The following KCNT2 variants were observed in gnomAD, a reference collection of about 807,000 sequenced individuals.
KCNT2 encodes potassium sodium-activated channel subfamily T member 2.
In KCNT2, 67 loss-of-function variants were observed where a neutral mutation model predicts 153.8. That is an observed-to-expected ratio of 0.44 (90% CI 0.36 to 0.53). The LOEUF is 0.53. Among genes scored for constraint, KCNT2 ranks in the 20% least tolerant of loss-of-function variants. The pLI is 0.00. For missense variants in KCNT2, 975 were observed against 1,354.8 expected (o/e 0.72, Z 4.40); for synonymous variants, 500 against 458.8 (o/e 1.09, Z -1.15).
intron 22 of KCNT2, among the ~76,000 whole-genome samples, chr1:196,301,772 C>G (rs1032698912): frequency 2.0e-5 from 3 of 152,112 alleles, no homozygotes; most frequent in African/African-American, 4.8e-5. Context: ...CATAGTCTCT[C>G]TCTGTCGCCC....
At chr1:196,554,918 C>A (rs989620146) in intron 1 of KCNT2, among the ~76,000 whole-genome samples, 6 of 151,108 alleles carry the variant, frequency 4.0e-5, no homozygotes, top group Non-Finnish European at 8.9e-5. Flanking sequence ...ACTGAAGTAG[C>A]ACTGGATAAA....
intron 1 of KCNT2, among the ~76,000 whole-genome samples, chr1:196,508,197 A>G (rs1352651483): frequency 6.8e-6 from 1 of 147,318 alleles, no homozygotes; most frequent in Non-Finnish European, 1.5e-5. Flanking sequence ...AGCAAAAAAA[A>G]AAAAAAAAAA....
At chr1:196,606,098 G>T (rs913164151) in intron 1 of KCNT2, among the ~76,000 whole-genome samples, 1 of 152,186 alleles carries the variant, frequency 6.6e-6, no homozygotes, top group Non-Finnish European at 1.5e-5. Context: ...ATACCGCACA[G>T]TTAAAAGAAC....
chr1:196,410,050 T>C (rs1189379878), intron 12 of KCNT2, among the ~76,000 whole-genome samples: 2 of 151,718 alleles, frequency 1.3e-5, no homozygotes, highest in Admixed American at 1.3e-4. Flanking sequence ...TTAATGATGC[T>C]GATCATCTGT....
chr1:196,308,704 T>C (rs1393910297), intron 21 of KCNT2, among the ~76,000 whole-genome samples: 1 of 151,972 alleles, frequency 6.6e-6, no homozygotes, highest in African/African-American at 2.4e-5. Context: ...AACATTCTAG[T>C]AGGTGGCAGG....
At chr1:196,579,966 T>A (rs112072885) in intron 1 of KCNT2, among the ~76,000 whole-genome samples, 8,760 of 152,194 alleles carry the variant, frequency 0.058, 393 homozygotes, top group Non-Finnish European at 0.085. Flanking sequence ...GAAAAATGGC[T>A]TCCACATTCT....
At chr1:196,335,570 T>C (rs935332470) in intron 16 of KCNT2, among the ~76,000 whole-genome samples, 5 of 152,276 alleles carry the variant, frequency 3.3e-5, no homozygotes, top group African/African-American at 1.2e-4. Flanking sequence ...CCATTGTATA[T>C]GCTATCCATC....
chr1:196,365,825 A>T (rs1667991292), intron 14 of KCNT2, among the ~76,000 whole-genome samples: 1 of 152,194 alleles, frequency 6.6e-6, no homozygotes, highest in African/African-American at 2.4e-5. Context: ...TTTTGACACC[A>T]AATTAAAAGA....
intron 1 of KCNT2, among the ~76,000 whole-genome samples, chr1:196,542,738 G>T (rs1288464624): frequency 6.6e-6 from 1 of 152,038 alleles, no homozygotes; most frequent in Non-Finnish European, 1.5e-5. Flanking sequence ...TAGGGGTAAG[G>T]TGCCAAACTT....
At chr1:196,273,222 C>T (rs1031998735) in intron 25 of KCNT2, among the ~76,000 whole-genome samples, 2 of 151,738 alleles carry the variant, frequency 1.3e-5, no homozygotes, top group African/African-American at 4.8e-5. Flanking sequence ...TTAATTAGCA[C>T]ACAAATATCG....
chr1:196,458,760 T>G (rs1184477044), intron 8 of KCNT2, among the ~76,000 whole-genome samples: 2 of 151,938 alleles, frequency 1.3e-5, no homozygotes, highest in Non-Finnish European at 2.9e-5. Context: ...TAAATGTCAA[T>G]TTGTACAACA....
Position 196,285,639 on chromosome 1 carries a change from A to C in KCNT2, c.2697+18T>G. 1 of 1,475,204 alleles carries C rather than the reference A, an allele frequency of 6.8e-7. No individual in the cohort carries two copies. Among genetic ancestry groups the C allele is most frequent in the Non-Finnish European group, 9.4e-7 (1 of 1,064,610 alleles). The allele number at this position is 1,475,204 out of a possible 1,614,324, so 91.4% of individuals were successfully genotyped here. On this transcript the variant is annotated intron_variant, in intron 23 of 27. Transcript: ENST00000294725. ...GAAAACAACCATTTTAGAGAAAATAAAAAGAAATATTGTATACCTGATACA... is the reference window on the plus strand; with the variant it reads ...GAAAACAACCATTTTAGAGAAAATACAAAGAAATATTGTATACCTGATACA...
chr1:196,423,377 A>G (rs1673378356), intron 11 of KCNT2, among the ~76,000 whole-genome samples: 1 of 151,898 alleles, frequency 6.6e-6, no homozygotes, highest in South Asian at 2.1e-4. Flanking sequence ...ATTTCTTTGT[A>G]TGATTAAATA....
At chr1:196,579,118 G>A (rs1468729589) in intron 1 of KCNT2, among the ~76,000 whole-genome samples, 4 of 152,206 alleles carry the variant, frequency 2.6e-5, no homozygotes, top group African/African-American at 4.8e-5. Flanking sequence ...ACTGCACAAC[G>A]TATGGGTTTG....
intron 14 of KCNT2, among the ~76,000 whole-genome samples, chr1:196,356,693 T>C (rs1342990344): frequency 6.6e-6 from 1 of 151,924 alleles, no homozygotes; most frequent in Non-Finnish European, 1.5e-5. Context: ...GAGTTGCTTA[T>C]ATAATCATAT....
At chr1:196,477,255 A>C (rs1262712822) in intron 5 of KCNT2, among the ~76,000 whole-genome samples, 1 of 152,174 alleles carries the variant, frequency 6.6e-6, no homozygotes, top group African/African-American at 2.4e-5. Flanking sequence ...ACTAAATAAT[A>C]GTCTGAAGAA....
rs1219383382 is a variant in KCNT2 at position 196,236,037 on chromosome 1, T to C, written c.3245A>G (p.Tyr1082Cys). 3 of 1,602,560 alleles carry C rather than the reference T, an allele frequency of 1.9e-6. No homozygotes were observed. Among genetic ancestry groups the C allele is most frequent in the Non-Finnish European group, 2.6e-6 (3 of 1,170,638 alleles). Residue 1082 changes from tyrosine (Y) to cysteine (C), a missense_variant, in exon 27 of 28, where the codon TAC (tyrosine) becomes TGC (cysteine). Physicochemically the swap from Tyr to Cys is radical, Grantham distance 194. This residue lies in a region of KCNT2 where 241 missense variants were observed against 271.1 expected (regional missense o/e 0.89). Transcript: ENST00000294725. ...ATCTGGAGATGGGTTAATCAGGATG[T>C]AGGAGAGGGTACTTTGATGATCATT... ...EMNDHQSTLS[Y>C]ILINPSPDTR...
intron 1 of KCNT2, among the ~76,000 whole-genome samples, chr1:196,572,652 T>C (rs1660914115): frequency 6.6e-6 from 1 of 152,080 alleles, no homozygotes; most frequent in African/African-American, 2.4e-5. Context: ...ATGGATACTA[T>C]TATTGAAAAG....
At chr1:196,345,654 A>G (rs137926216) in intron 14 of KCNT2, among the ~76,000 whole-genome samples, 30 of 152,306 alleles carry the variant, frequency 2.0e-4, no homozygotes, top group African/African-American at 7.0e-4. Flanking sequence ...AGATTGAAGA[A>G]GAGACAATGA....
Sources: allele counts gnomAD v4.1 joint callset (sites outside exome capture counted in the v4.1 genomes callset), GRCh38; gene constraint gnomAD v4.1.1; regional missense constraint gnomAD v4.1.1; transcripts MANE v1.5; gene names NCBI Gene and HGNC (gene_info 2026-07-23, HGNC 2026-07-21).